PRDM16: variants seen among roughly 807,000 people sequenced by gnomAD.
PRDM16 encodes the protein PR/SET domain 16, also known as histone-lysine N-methyltransferase PRDM16.
Under a neutral mutation model 110.6 loss-of-function variants are expected in PRDM16, and 23 were observed. The ratio of observed to expected loss-of-function variants is 0.21; its 90% CI spans 0.15 to 0.29. The LOEUF is 0.29. Ranked by LOEUF, PRDM16 falls within the 10% of genes least tolerant of loss-of-function variation. The pLI, the probability that PRDM16 is intolerant of heterozygous loss-of-function variation, is 1.00. For missense variants in PRDM16, 1,615 were observed against 1,794.3 expected, an observed-to-expected ratio of 0.90 and a Z score of 1.81; for synonymous variants, 799 against 781.8, an observed-to-expected ratio of 1.02 and a Z score of -0.37.
At chr1:3,289,125 G>A (rs570678333) in intron 3 of PRDM16, among the ~76,000 whole-genome samples, 3 of 152,324 alleles carry the variant, frequency 2.0e-5, no homozygotes, top group East Asian at 1.9e-4. Flanking sequence ...TGTGCTTGTC[G>A]CCCGGCCCCT....
At position 3,114,940 on chromosome 1, in the gene PRDM16, T is replaced by C. The variant is rs568817972; in HGVS notation, c.37+45644T>C. ...GAGGAGAGGCGCCTCCCTGCACACT[T>C]GGCCAAGGCCTCCTTCTCCTCTGAC... On this transcript the variant is annotated intron_variant, in intron 1 of 16. Transcript: ENST00000270722. 6.6e-5 allele frequency among the ~76,000 whole-genome samples: 10 copies of C among 152,390 alleles called. No homozygotes were observed. In the East Asian group the frequency reaches 1.9e-3, roughly 29 times the overall value.
rs1422978943 is a variant in PRDM16 at position 3,433,900 on chromosome 1, T to C, written c.*89T>C. 6 of 1,367,046 alleles carry C rather than the reference T, an allele frequency of 4.4e-6. No homozygotes were observed. Among genetic ancestry groups the C allele is most frequent in the Non-Finnish European group, 6.0e-6 (6 of 995,754 alleles). 84.7% of individuals were successfully genotyped at this position (1,367,046 alleles called of 1,614,324 possible). A position where few individuals can be genotyped will look rare whatever the true frequency, so the allele number is the denominator to read the frequency against. ...GCGGGGCCCCGGAGAACCCTGTCCCTGCGTGTGGCCACTCCTCAGCATCCT... is the reference window on the plus strand; with the variant it reads ...GCGGGGCCCCGGAGAACCCTGTCCCCGCGTGTGGCCACTCCTCAGCATCCT... On this transcript the variant is annotated 3_prime_UTR_variant, in exon 17 of 17. Transcript: ENST00000270722.
chr1:3,162,898 C>A (rs1225471850), intron 1 of PRDM16, among the ~76,000 whole-genome samples: 1 of 137,272 alleles, frequency 7.3e-6, no homozygotes, highest in Admixed American at 7.4e-5. Flanking sequence ...TGCGCAGAAG[C>A]CCCTGGCATG....
At chr1:3,433,387 C>G (rs1002637508) in intron 16 of PRDM16, among the ~76,000 whole-genome samples, 2 of 152,248 alleles carry the variant, frequency 1.3e-5, no homozygotes, top group Non-Finnish European at 2.9e-5. Flanking sequence ...CCACGGGAGG[C>G]TGGGAACGGA....
rs1332596506 is a variant in PRDM16, at chr1:3,368,866, A to G, written c.439-16286A>G. Reference sequence around the variant, plus strand: ...GCAATAGCAAAATCCACAAAGAAAGATCAGGATTAAAATGTTCTGCAGCTT... The same window carrying G: ...GCAATAGCAAAATCCACAAAGAAAGGTCAGGATTAAAATGTTCTGCAGCTT... On this transcript the variant is annotated intron_variant, in intron 3 of 16. Coordinates refer to ENST00000270722, the MANE Select transcript of PRDM16 (RefSeq NM_022114.4). Among the ~76,000 whole-genome samples the G allele has an allele frequency of 2.0e-5, 3 of 152,204 alleles. No homozygotes were observed. In the South Asian group the frequency reaches 6.2e-4, roughly 32 times the overall value.
chr1:3,230,437 A>T (rs1434292381), intron 2 of PRDM16, among the ~76,000 whole-genome samples: 3 of 152,230 alleles, frequency 2.0e-5, no homozygotes, highest in Non-Finnish European at 2.9e-5. Flanking sequence ...TGCCCCAGAG[A>T]AGAGACCCTT....
chr1:3,084,453 G>T (rs1642104166), intron 1 of PRDM16, among the ~76,000 whole-genome samples: 1 of 152,222 alleles, frequency 6.6e-6, no homozygotes, highest in African/African-American at 2.4e-5. Flanking sequence ...CCCTTTGTGG[G>T]ATTATCTGCC....
intron 2 of PRDM16, among the ~76,000 whole-genome samples, chr1:3,215,471 G>GCAAGGCCTATTGGGGT (rs1390336091): frequency 6.6e-6 from 1 of 152,238 alleles, no homozygotes; most frequent in African/African-American, 2.4e-5. Context: ...ATGGGTGGAG[G>GCAAGGCCTATTGGGGT]CGGGAGAGAG....
At chr1:3,433,051 C>G (rs1233146088) in intron 16 of PRDM16, among the ~76,000 whole-genome samples, 2 of 152,218 alleles carry the variant, frequency 1.3e-5, no homozygotes, top group Non-Finnish European at 1.5e-5. Flanking sequence ...TTGTTGACCC[C>G]CAGTTCCCAG....
rs116565575 is a variant in PRDM16, at chr1:3,186,088, C to T, written c.38-37C>T. ...TGAGCTGTACACACTGGGTGGGGCA[C>T]GTGCTGCAGAGGTTGACGCTGCGTT... On this transcript the variant is annotated intron_variant, in intron 1 of 16. Transcript: ENST00000270722. 8.4e-4 allele frequency: 1,294 copies of T among 1,538,416 alleles called. 11 individuals are homozygous for T. The African/African-American group carries it at 0.015, about 18-fold the overall frequency.
Position 3,157,690 on chromosome 1 carries a change from G to T in PRDM16, c.38-28435G>T, listed in dbSNP as rs186504072. 9.9e-5 allele frequency among the ~76,000 whole-genome samples: 15 copies of T among 152,282 alleles called. No homozygotes were observed. Among genetic ancestry groups the T allele is most frequent in the South Asian group, 4.2e-4 (2 of 4,814 alleles). Reference sequence around the variant, plus strand: ...AAAGTTCCCAGATTCGCACCTGCTGGACTGGGAGGCGTCTCAGCAAATACC... The same window carrying T: ...AAAGTTCCCAGATTCGCACCTGCTGTACTGGGAGGCGTCTCAGCAAATACC... On this transcript the variant is annotated intron_variant, in intron 1 of 16. Coordinates refer to ENST00000270722, the MANE Select transcript of PRDM16 (RefSeq NM_022114.4). This position sits in a 1 kb window ranked among gnomAD's most constrained non-coding sequence, Gnocchi z 4.8.
At chr1:3,379,028 C>A (rs1345321618) in intron 3 of PRDM16, among the ~76,000 whole-genome samples, 1 of 151,732 alleles carries the variant, frequency 6.6e-6, no homozygotes, top group Non-Finnish European at 1.5e-5. Context: ...TGATAGCAGA[C>A]ACAGGCCTGG....
At chr1:3,087,263 ACCAGCCCCACCTGAGG>A (rs1349503771) in intron 1 of PRDM16, among the ~76,000 whole-genome samples, 4 of 144,758 alleles carry the variant, frequency 2.8e-5, no homozygotes, top group Non-Finnish European at 6.0e-5. Context: ...CCCACCTGAG[ACCAGCCCCACCTGAGG>A]CCAGCCCCAC....
At chr1:3,126,520 C>T (rs1643212539) in intron 1 of PRDM16, among the ~76,000 whole-genome samples, 2 of 152,180 alleles carry the variant, frequency 1.3e-5, no homozygotes, top group Non-Finnish European at 2.9e-5. Flanking sequence ...CCAGACCCTG[C>T]TGCGGTTCCT....
At chr1:3,348,797 A>G (rs1257400567) in intron 3 of PRDM16, among the ~76,000 whole-genome samples, 2 of 151,768 alleles carry the variant, frequency 1.3e-5, no homozygotes, top group African/African-American at 4.8e-5. Flanking sequence ...GGCTCACCCA[A>G]CTCCACCCAC....
At chr1:3,271,852 T>C (rs532930243) in intron 3 of PRDM16, among the ~76,000 whole-genome samples, 1 of 152,264 alleles carries the variant, frequency 6.6e-6, no homozygotes, top group South Asian at 2.1e-4. Context: ...CCTTCTCTCT[T>C]CTGCTCCCAT....
At position 3,243,096 on chromosome 1, in the gene PRDM16, G is replaced by C. The variant is rs938829333; in HGVS notation, c.388-991G>C. On this transcript the variant is annotated intron_variant, in intron 2 of 16. Transcript: ENST00000270722. This position sits in a 1 kb window ranked among gnomAD's most constrained non-coding sequence, Gnocchi z 5.5. ...AAGAACGTTCCGGCTGGAGCGACCT[G>C]GGAGGAAGAACGAGCCGACTGCTGG... 5.3e-5 allele frequency among the ~76,000 whole-genome samples: 8 copies of C among 152,148 alleles called. No homozygotes were observed. Among genetic ancestry groups the C allele is most frequent in the Non-Finnish European group, 1.2e-4 (8 of 68,030 alleles).
chr1:3,341,357 A>G (rs915694901), intron 3 of PRDM16, among the ~76,000 whole-genome samples: 1 of 152,188 alleles, frequency 6.6e-6, no homozygotes, highest in Admixed American at 6.5e-5. Flanking sequence ...TTGTGGTTGC[A>G]GCTGCTGCCT....
At chr1:3,323,851 G>A (rs1641821679) in intron 3 of PRDM16, among the ~76,000 whole-genome samples, 1 of 152,370 alleles carries the variant, frequency 6.6e-6, no homozygotes, top group African/African-American at 2.4e-5. Context: ...AAAGAGGCCT[G>A]TTCAGCTTAG....
Sources: allele counts gnomAD v4.1 joint callset (sites outside exome capture counted in the v4.1 genomes callset), GRCh38; gene constraint gnomAD v4.1.1; non-coding constraint Gnocchi (gnomAD v3.1); transcripts MANE v1.5; gene names NCBI Gene and HGNC (gene_info 2026-07-23, HGNC 2026-07-21).